The following NXNL2 variants were observed in gnomAD, a reference collection of about 807,000 sequenced individuals.
The protein encoded by NXNL2 is nucleoredoxin-like protein 2.
In NXNL2, 7 loss-of-function variants were observed where a neutral mutation model predicts 11.1. The observed-to-expected ratio is 0.63, with a 90% confidence interval of 0.36 to 1.18. The LOEUF (loss-of-function observed/expected upper bound fraction) is 1.18. Among genes scored for constraint, NXNL2 ranks in the 50% most tolerant of loss-of-function variants. The pLI is 0.02. For synonymous variants in NXNL2, 109 were observed against 101.8 expected (o/e 1.07, Z -0.42); for missense variants, 233 against 217.7 (o/e 1.07, Z -0.44).
downstream of NXNL2, among the ~76,000 whole-genome samples, chr9:88,548,828 A>G (rs1829887879): frequency 6.6e-6 from 1 of 151,882 alleles, no homozygotes; most frequent in Non-Finnish European, 1.5e-5. Flanking sequence ...TGGTGGTGTT[A>G]GGAGGTGGGG....
At chr9:88,575,186 G>T in exon 3 of NXNL2, 6 of 984,172 alleles carry the variant, frequency 6.1e-6, no homozygotes, top group Non-Finnish European at 6.0e-6. Context: ...CCTGCATTCT[G>T]CGAGTCTGTG....
rs746937793 is a variant in NXNL2 at position 88,535,739 on chromosome 9, G to C, written c.302+3G>C. 15 of 1,559,800 alleles carry C rather than the reference G, an allele frequency of 9.6e-6. No homozygotes were observed. The Admixed American group carries it at 1.1e-4, about 11-fold the overall frequency. On this transcript the variant is annotated splice_donor_region_variant and intron_variant, in intron 1 of 1. Transcript: ENST00000375854. Reference sequence around the variant, plus strand: ...CCCTTCCACGACCCCTACCGGCAGTGAGTGGGGGTCCTGGGGGGGCGGGGG... The same window carrying C: ...CCCTTCCACGACCCCTACCGGCAGTCAGTGGGGGTCCTGGGGGGGCGGGGG...
intron 2 of NXNL2, among the ~76,000 whole-genome samples, chr9:88,574,895 C>T (rs918413451): frequency 2.0e-5 from 3 of 152,272 alleles, no homozygotes; most frequent in Non-Finnish European, 2.9e-5. Context: ...GATGTAGGGC[C>T]TGTCCCCACC....
chr9:88,558,803 G>GTGGTGAA (rs2118485889), intron 1 of NXNL2, among the ~76,000 whole-genome samples: 1 of 152,262 alleles, frequency 6.6e-6, no homozygotes, highest in Admixed American at 6.5e-5. Flanking sequence ...TGAGTGGTGA[G>GTGGTGAA]TGGTAGTGAG....
At chr9:88,569,791 T>G (rs1227173040) in intron 1 of NXNL2, among the ~76,000 whole-genome samples, 1 of 152,228 alleles carries the variant, frequency 6.6e-6, no homozygotes, top group African/African-American at 2.4e-5. Flanking sequence ...CTTGCATTCC[T>G]GTGGGATAAA....
chr9:88,571,281 C>T (rs1271378973), intron 2 of NXNL2: 1 of 232,278 alleles, frequency 4.3e-6, no homozygotes, highest in African/African-American at 2.4e-5. Context: ...GTTGTCCAGG[C>T]TGATCTCGAA....
At chr9:88,580,739 C>T (rs1830400505), downstream of NXNL2, among the ~76,000 whole-genome samples, 1 of 152,220 alleles carries the variant, frequency 6.6e-6, no homozygotes, top group Non-Finnish European at 1.5e-5. Flanking sequence ...CCATGCTCTT[C>T]AGATTTCATC....
intron 1 of NXNL2, 86 bp downstream of exon 1, chr9:88,535,822 C>A: frequency 8.7e-6 from 9 of 1,037,752 alleles, no homozygotes; most frequent in East Asian, 5.5e-5. Flanking sequence ...CTGGGGAGCT[C>A]TTTATGACGC....
downstream of NXNL2, among the ~76,000 whole-genome samples, chr9:88,547,478 A>C (rs55680213): frequency 0.023 from 3,577 of 152,328 alleles, 70 homozygotes; most frequent in Middle Eastern, 0.061. Context: ...TCCTAGAGAA[A>C]GGAAGAAGAG....
chr9:88,550,949 T>G (rs1829922355), intron 1 of NXNL2, among the ~76,000 whole-genome samples: 2 of 152,202 alleles, frequency 1.3e-5, no homozygotes, highest in South Asian at 4.1e-4. Flanking sequence ...TCTAGGTTGC[T>G]TATTTACTTC....
At chr9:88,537,457 C>G (rs1266485910) in intron 1 of NXNL2, among the ~76,000 whole-genome samples, 1 of 152,194 alleles carries the variant, frequency 6.6e-6, no homozygotes, top group Admixed American at 6.5e-5. Context: ...GCTGTGTGCT[C>G]CTATCTTCTC....
chr9:88,551,837 G>T (rs764215192), intron 1 of NXNL2, among the ~76,000 whole-genome samples: 4 of 152,236 alleles, frequency 2.6e-5, no homozygotes, highest in Non-Finnish European at 5.9e-5. Context: ...GAGGAGGGAT[G>T]AAAGGCTCAG....
chr9:88,557,839 T>C (rs1830037971), intron 1 of NXNL2, among the ~76,000 whole-genome samples: 1 of 152,208 alleles, frequency 6.6e-6, no homozygotes, highest in Admixed American at 6.5e-5. Flanking sequence ...ACTCTCCTGT[T>C]TGAGCATACA....
chr9:88,575,166 C>T (rs1296584935), exon 3 of NXNL2: 1 of 985,092 alleles, frequency 1.0e-6, no homozygotes, highest in African/African-American at 1.7e-5. Context: ...TCCCCCCGCA[C>T]CATCCGTGTC....
downstream of NXNL2, among the ~76,000 whole-genome samples, chr9:88,576,890 G>A (rs920999893): frequency 2.6e-5 from 4 of 152,162 alleles, no homozygotes; most frequent in Admixed American, 2.0e-4. Flanking sequence ...TCTCGGCCAT[G>A]CTTAAGGGGC....
intron 1 of NXNL2, among the ~76,000 whole-genome samples, chr9:88,560,142 A>T (rs1830068647): frequency 6.6e-6 from 1 of 152,054 alleles, no homozygotes; most frequent in South Asian, 2.1e-4. Flanking sequence ...AATTCCCAGT[A>T]AATTCTGGCC....
intron 1 of NXNL2, among the ~76,000 whole-genome samples, chr9:88,560,426 G>A (rs956108948): frequency 7.2e-5 from 11 of 152,044 alleles, no homozygotes; most frequent in African/African-American, 2.4e-4. Flanking sequence ...GGCATCTCTG[G>A]AATTGGAGGG....
chr9:88,582,686 C>G (rs1830422610), intron 1 of NXNL2, among the ~76,000 whole-genome samples: 1 of 123,758 alleles, frequency 8.1e-6, no homozygotes, highest in African/African-American at 2.9e-5. Flanking sequence ...TTTCTTTCTT[C>G]TTTTGACAGT....
chr9:88,539,469 G>A (rs577265624), intron 1 of NXNL2, among the ~76,000 whole-genome samples: 2 of 152,274 alleles, frequency 1.3e-5, no homozygotes, highest in African/African-American at 4.8e-5. Context: ...AGATAACAGA[G>A]TCCCACCTGG....
Sources: gnomAD v4.1 joint callset for allele counts (sites outside exome capture counted in the v4.1 genomes callset) on GRCh38, gnomAD v4.1.1 for gene constraint, MANE v1.5 for transcripts, NCBI Gene and HGNC (gene_info 2026-07-23, HGNC 2026-07-21) for gene names.